Variants in GPHN observed in about 807,000 individuals in gnomAD.
The protein encoded by GPHN is gephyrin.
GPHN carries 17 observed loss-of-function variants against 95.5 expected under a neutral mutation model. That is an observed-to-expected ratio of 0.18 (90% CI 0.12 to 0.27). GPHN has a LOEUF of 0.27. GPHN is among the 10% of genes least tolerant of loss of function. The pLI, the probability that GPHN is intolerant of heterozygous loss-of-function variation, is 1.00. For missense variants in GPHN, 660 were observed against 978.1 expected (o/e 0.67, Z 4.34); for synonymous variants, 320 against 322.5 (o/e 0.99, Z 0.08).
At chr14:67,631,415 G>GTAAATCCT in the GPHN span, among the ~76,000 whole-genome samples, 1 of 147,400 alleles carries the variant, frequency 6.8e-6, no homozygotes, top group African/African-American at 2.5e-5. Flanking sequence ...AATTCCTCTA[G>GTAAATCCT]TAAATCCTTT....
intron 6 of GPHN, among the ~76,000 whole-genome samples, chr14:66,916,520 T>A (rs928971569): frequency 2.7e-5 from 4 of 149,498 alleles, no homozygotes; most frequent in Non-Finnish European, 4.5e-5. Context: ...TTTTGTTTTG[T>A]TTTGTTTTTT....
At chr14:66,564,864 C>G (rs1035099058) in intron 1 of GPHN, among the ~76,000 whole-genome samples, 3 of 151,958 alleles carry the variant, frequency 2.0e-5, no homozygotes, top group Admixed American at 1.3e-4. Flanking sequence ...TATCATTAAG[C>G]CTCAATTTTA....
intron 21 of GPHN, among the ~76,000 whole-genome samples, chr14:67,177,676 G>A (rs1234987016): frequency 1.3e-5 from 2 of 152,066 alleles, no homozygotes; most frequent in Non-Finnish European, 2.9e-5. Flanking sequence ...TTGACAGTGG[G>A]GTGTTAAAGT....
chr14:66,996,186 C>T, intron 9 of GPHN: 1 of 1,533,768 alleles, frequency 6.5e-7, no homozygotes, highest in Non-Finnish European at 8.7e-7. Context: ...GGCTCGGCTT[C>T]CCTCGTGCTC....
chr14:66,690,163 G>A (rs1463280436), intron 2 of GPHN, among the ~76,000 whole-genome samples: 3 of 151,262 alleles, frequency 2.0e-5, no homozygotes, highest in Admixed American at 1.3e-4. Flanking sequence ...TTAATGTTGA[G>A]GTTTATTGCT....
chr14:67,605,382 A>G, the GPHN span, among the ~76,000 whole-genome samples: 1 of 152,242 alleles, frequency 6.6e-6, no homozygotes, highest in Admixed American at 6.5e-5. Context: ...TAGAGACACC[A>G]TCTCACTCTG....
At chr14:66,743,508 G>A (rs953741902) in intron 2 of GPHN, among the ~76,000 whole-genome samples, 3 of 152,020 alleles carry the variant, frequency 2.0e-5, no homozygotes, top group Non-Finnish European at 2.9e-5. Flanking sequence ...AGGCCGAGGC[G>A]GGCGGATCAC....
At chr14:66,534,618 G>A (rs1479561671) in intron 1 of GPHN, among the ~76,000 whole-genome samples, 1 of 151,990 alleles carries the variant, frequency 6.6e-6, no homozygotes, top group East Asian at 1.9e-4. Context: ...ATAATTGTTG[G>A]ATGGTTGTCT....
chr14:66,973,763 A>AC (rs2069995467), intron 9 of GPHN, among the ~76,000 whole-genome samples: 1 of 152,156 alleles, frequency 6.6e-6, no homozygotes, highest in South Asian at 2.1e-4. Context: ...GTCTCAAAAA[A>AC]CAAAAAAAGA....
chr14:67,695,735 T>G, the GPHN span: 1 of 1,605,600 alleles, frequency 6.2e-7, no homozygotes, highest in South Asian at 1.1e-5. Flanking sequence ...CAGAGCGGGA[T>G]GCTCCAGCGT....
At chr14:67,710,263 T>G in the GPHN span, among the ~76,000 whole-genome samples, 2 of 152,190 alleles carry the variant, frequency 1.3e-5, no homozygotes, top group Non-Finnish European at 2.9e-5. Flanking sequence ...CTAAATTAAC[T>G]GAGACCTGTC....
At chr14:67,156,241 T>G (rs569858489) in intron 18 of GPHN, among the ~76,000 whole-genome samples, 61 of 152,154 alleles carry the variant, frequency 4.0e-4, no homozygotes, top group Non-Finnish European at 7.2e-4. Context: ...TATATAAATA[T>G]CAAGTATATA....
chr14:67,396,697 A>G, the GPHN span, among the ~76,000 whole-genome samples: 1 of 152,218 alleles, frequency 6.6e-6, no homozygotes, highest in Non-Finnish European at 1.5e-5. Context: ...CCACATCTCT[A>G]TTCCTGAAGC....
In GPHN at chr14:66,681,146, G is replaced by T; in HGVS notation, c.104G>T (p.Ser35Ile). The T allele has an allele frequency of 6.2e-7, 1 of 1,601,214 alleles. No individual in the cohort carries two copies. Among genetic ancestry groups the T allele is most frequent in the Non-Finnish European group, 8.6e-7 (1 of 1,169,484 alleles). The change falls in exon 2 of 23, where the codon AGT becomes ATT. Residue 35 changes from serine to isoleucine, a missense_variant. By Grantham distance (142) the Ser-to-Ile change is moderately radical. Around this residue, in one of 6 missense-constraint regions of GPHN, gnomAD observed 92 missense variants for 91.9 expected, o/e 1.00. Coordinates refer to ENST00000478722, the MANE Select transcript of GPHN (RefSeq NM_020806.5). ...SCFRNLAEDRSGINLKDLVQD... is the reference protein window; with the variant it reads ...SCFRNLAEDRIGINLKDLVQD... ...TTCAGGAATCTTGCAGAAGACCGCA[G>T]TGGGATAAATCTCAAAGATCTCGTA... is the stretch of plus-strand genomic sequence containing the variant.
At chr14:66,753,158 C>G (rs2058434063) in intron 2 of GPHN, among the ~76,000 whole-genome samples, 2 of 151,960 alleles carry the variant, frequency 1.3e-5, no homozygotes, top group Admixed American at 1.3e-4. Context: ...GAGTGGACTT[C>G]CTTGCCTTAT....
the GPHN span, chr14:67,279,254 A>G: frequency 6.2e-7 from 1 of 1,613,952 alleles, no homozygotes; most frequent in Non-Finnish European, 8.5e-7. Context: ...CACCAGAGGA[A>G]CATCAGAAGC....
chr14:66,652,984 C>T (rs1288891269), intron 1 of GPHN, among the ~76,000 whole-genome samples: 1 of 152,190 alleles, frequency 6.6e-6, no homozygotes, highest in East Asian at 1.9e-4. Context: ...GGGCAGTTCT[C>T]CCTGTCAATT....
At chr14:66,720,768 C>T (rs999531489) in intron 2 of GPHN, among the ~76,000 whole-genome samples, 3 of 152,096 alleles carry the variant, frequency 2.0e-5, no homozygotes, top group African/African-American at 7.2e-5. Flanking sequence ...TGGAGTCCAA[C>T]GCAAGTGGAT....
chr14:66,785,615 T>G (rs2059744448), intron 3 of GPHN, among the ~76,000 whole-genome samples: 1 of 150,880 alleles, frequency 6.6e-6, no homozygotes, highest in South Asian at 2.1e-4. Flanking sequence ...AACATTTACC[T>G]TGGAAAACCA....
Sources: gnomAD v4.1 joint callset for allele counts (sites outside exome capture counted in the v4.1 genomes callset) on GRCh38, gnomAD v4.1.1 for gene constraint, gnomAD v4.1.1 regional missense constraint, MANE v1.5 for transcripts, NCBI Gene and HGNC (gene_info 2026-07-23, HGNC 2026-07-21) for gene names.